The following NRXN1 variants were observed in gnomAD, a reference collection of about 807,000 sequenced individuals.
NRXN1 encodes neurexin 1, also known as neurexin-1.
In NRXN1, 39 loss-of-function variants were observed where a neutral mutation model predicts 150.9. The observed-to-expected ratio is 0.26, with a 90% confidence interval of 0.20 to 0.34. The LOEUF is 0.34. Ranked by LOEUF, NRXN1 falls within the 10% of genes least tolerant of loss-of-function variation. The pLI, the probability that NRXN1 is intolerant of heterozygous loss-of-function variation, is 1.00. For missense variants in NRXN1, 1,815 were observed against 1,949.9 expected (o/e 0.93, Z 1.30); for synonymous variants, 924 against 757.0 (o/e 1.22, Z -3.62).
At chr2:50,708,018 G>C (rs1488998711) in intron 5 of NRXN1, among the ~76,000 whole-genome samples, 1 of 152,044 alleles carries the variant, frequency 6.6e-6, no homozygotes, top group Non-Finnish European at 1.5e-5. Context: ...AAAGATTTCA[G>C]GTATTATATA....
intron 17 of NRXN1, among the ~76,000 whole-genome samples, chr2:50,272,586 T>G (rs2069843352): frequency 6.6e-6 from 1 of 151,766 alleles, no homozygotes; most frequent in Non-Finnish European, 1.5e-5. Context: ...GAAGAAGAGA[T>G]GAAGAAAGTA....
chr2:50,296,773 C>A (rs142516854), intron 17 of NRXN1, among the ~76,000 whole-genome samples: 89 of 151,968 alleles, frequency 5.9e-4, no homozygotes, highest in Admixed American at 1.2e-3. Flanking sequence ...CAGCCAGCTG[C>A]CACTTATAAG....
At chr2:50,815,091 C>T (rs759637189) in intron 5 of NRXN1, among the ~76,000 whole-genome samples, 4 of 151,442 alleles carry the variant, frequency 2.6e-5, no homozygotes, top group Non-Finnish European at 4.4e-5. Flanking sequence ...TTTGCCTCTT[C>T]GCTTTACAAT....
intron 17 of NRXN1, among the ~76,000 whole-genome samples, chr2:50,388,201 T>C (rs2081451041): frequency 6.6e-6 from 1 of 152,190 alleles, no homozygotes; most frequent in Non-Finnish European, 1.5e-5. Context: ...ATGCCATTCA[T>C]AATACAGTGA....
At chr2:50,379,438 A>G (rs959715999) in intron 17 of NRXN1, among the ~76,000 whole-genome samples, 2 of 152,184 alleles carry the variant, frequency 1.3e-5, no homozygotes, top group Non-Finnish European at 2.9e-5. Flanking sequence ...ACAGTCGAAC[A>G]TTTTCTACCT....
At chr2:50,722,258 G>A (rs1696762924) in intron 5 of NRXN1, among the ~76,000 whole-genome samples, 1 of 152,156 alleles carries the variant, frequency 6.6e-6, no homozygotes, top group East Asian at 1.9e-4. Context: ...AAAATTGAGG[G>A]TCTTCACAGC....
chr2:50,564,234 G>A (rs1368526052), intron 8 of NRXN1, among the ~76,000 whole-genome samples: 1 of 152,136 alleles, frequency 6.6e-6, no homozygotes, highest in African/African-American at 2.4e-5. Context: ...AAGCACATAA[G>A]TACTTGATCC....
chr2:51,008,533 G>C (rs1667379414), intron 2 of NRXN1, among the ~76,000 whole-genome samples: 2 of 151,682 alleles, frequency 1.3e-5, no homozygotes, highest in South Asian at 4.1e-4. Flanking sequence ...ATCACTGCAG[G>C]GTATGGCATA....
At chr2:50,706,313 C>T (rs74945223) in intron 5 of NRXN1, among the ~76,000 whole-genome samples, 180 of 152,228 alleles carry the variant, frequency 1.2e-3, no homozygotes, top group African/African-American at 4.3e-3. Flanking sequence ...ATTGCCTGTT[C>T]TGAGTTTGAG....
chr2:50,559,059 G>A (rs905915786), intron 8 of NRXN1, among the ~76,000 whole-genome samples: 4 of 152,102 alleles, frequency 2.6e-5, no homozygotes, highest in African/African-American at 7.2e-5. Flanking sequence ...TCCAGCCTGG[G>A]TGACAGAGTG....
Position 50,241,274 on chromosome 2 carries a change from C to A in NRXN1, c.3365-4304G>T, listed in dbSNP as rs935324791. Among the ~76,000 whole-genome samples the A allele has an allele frequency of 2.0e-5, 3 of 151,438 alleles. No homozygotes were observed. The East Asian group carries it at 5.8e-4, about 29-fold the overall frequency. ...AGACCAAACTTACCAAAAAACCCTG[C>A]CAGCTAGCTTTTTAAAAATTTTATC... On this transcript the variant is annotated intron_variant, in intron 17 of 22. Transcript: ENST00000401669.
At chr2:50,303,030 A>T (rs1334663628) in intron 17 of NRXN1, among the ~76,000 whole-genome samples, 3 of 152,172 alleles carry the variant, frequency 2.0e-5, no homozygotes, top group Non-Finnish European at 4.4e-5. Context: ...ACTAAAGTCC[A>T]AAAGGACCTT....
At chr2:49,992,132 G>A (rs11125281) in intron 21 of NRXN1, among the ~76,000 whole-genome samples, 57,463 of 151,916 alleles carry the variant, frequency 0.38, 11,451 homozygotes, top group East Asian at 0.5. Context: ...CTTAGAAGAC[G>A]ACACAGGAGA....
chr2:50,707,144 T>C (rs1694552106), intron 5 of NRXN1, among the ~76,000 whole-genome samples: 1 of 152,174 alleles, frequency 6.6e-6, no homozygotes, highest in Non-Finnish European at 1.5e-5. Flanking sequence ...TGGCCCAACT[T>C]TGATATGTCT....
intron 21 of NRXN1, among the ~76,000 whole-genome samples, chr2:49,947,503 C>CTTT (rs376145888): frequency 2.1e-4 from 28 of 134,058 alleles, no homozygotes; most frequent in Non-Finnish European, 2.7e-4. Flanking sequence ...TTTTTTCTTT[C>CTTT]TTTTTTTTTT....
At chr2:50,764,567 T>G (rs1230924676) in intron 5 of NRXN1, among the ~76,000 whole-genome samples, 1 of 152,010 alleles carries the variant, frequency 6.6e-6, no homozygotes, top group African/African-American at 2.4e-5. Flanking sequence ...ATTCCCCATG[T>G]GGTTATATGC....
intron 5 of NRXN1, among the ~76,000 whole-genome samples, chr2:50,889,930 A>C (rs1380264587): frequency 1.3e-5 from 2 of 151,760 alleles, no homozygotes; most frequent in African/African-American, 4.8e-5. Flanking sequence ...AACTAATAAA[A>C]ATGCTTATTT....
chr2:50,522,958 C>A (rs1330058322), intron 12 of NRXN1, among the ~76,000 whole-genome samples: 1 of 151,752 alleles, frequency 6.6e-6, no homozygotes, highest in African/African-American at 2.4e-5. Context: ...GGTCCTAGAA[C>A]TCCTGACCTC....
intron 5 of NRXN1, among the ~76,000 whole-genome samples, chr2:50,706,121 T>C (rs1694400315): frequency 6.6e-6 from 1 of 152,170 alleles, no homozygotes; most frequent in Non-Finnish European, 1.5e-5. Context: ...AGGTTCTTGT[T>C]CTCTCTTGAG....
Sources: allele counts gnomAD v4.1 joint callset (sites outside exome capture counted in the v4.1 genomes callset), GRCh38; gene constraint gnomAD v4.1.1; transcripts MANE v1.5; gene names NCBI Gene and HGNC (gene_info 2026-07-23, HGNC 2026-07-21).